KIRREL3: variants seen among roughly 807,000 people sequenced by gnomAD.
KIRREL3 encodes kin of IRRE-like protein 3.
Under a neutral mutation model 89.7 loss-of-function variants are expected in KIRREL3, and 36 were observed. That is an observed-to-expected ratio of 0.40 (90% CI 0.31 to 0.53). The LOEUF is 0.53. KIRREL3 is among the 20% of genes least tolerant of loss of function. The pLI, the probability that KIRREL3 is intolerant of heterozygous loss-of-function variation, is 0.49. For synonymous variants in KIRREL3, 445 were observed against 441.4 expected (o/e 1.01, Z -0.10); for missense variants, 864 against 1,056.6 (o/e 0.82, Z 2.53).
chr11:126,603,674 G>A (rs1288840462), intron 1 of KIRREL3, among the ~76,000 whole-genome samples: 2 of 152,266 alleles, frequency 1.3e-5, no homozygotes, highest in Non-Finnish European at 2.9e-5. Context: ...CTCTCTGGCA[G>A]CACATGGCTG....
chr11:126,631,850 G>A (rs924643633), intron 1 of KIRREL3, among the ~76,000 whole-genome samples: 1 of 152,184 alleles, frequency 6.6e-6, no homozygotes, highest in African/African-American at 2.4e-5. Flanking sequence ...CAGGAAGCCT[G>A]GATGCAGGCC....
chr11:126,694,681 T>C lies in KIRREL3; in HGVS notation c.56-131769A>G, dbSNP rs1947015654. ...TGACCTTAGGGCAGGTACTGACTTC[T>C]ATGAGCCACCTTTTTTAAAAAAAAT... is the stretch of plus-strand genomic sequence containing the variant. On this transcript the variant is annotated intron_variant, in intron 1 of 16. Transcript: ENST00000525144. The surrounding 1 kb of genome is among the most constrained non-coding windows in gnomAD (Gnocchi z 4.4). Among the ~76,000 whole-genome samples, 1 of 152,186 alleles carries C rather than the reference T, an allele frequency of 6.6e-6. No individual in the cohort carries two copies. Among genetic ancestry groups the C allele is most frequent in the Non-Finnish European group, 1.5e-5 (1 of 68,030 alleles).
At chr11:126,826,922 T>A (rs1435803705) in intron 1 of KIRREL3, among the ~76,000 whole-genome samples, 1 of 152,224 alleles carries the variant, frequency 6.6e-6, no homozygotes, top group Non-Finnish European at 1.5e-5. Flanking sequence ...CCTCAGCTTC[T>A]TTGCTGCAGT....
In KIRREL3 at chr11:126,754,953, C is replaced by T. The variant is rs180976552; in HGVS notation, c.56-192041G>A. The stretch of plus-strand genomic sequence containing the variant: ...GTGAGCAAATACACAGCAAGAGAGG[C>T]GGATGTGAAGAAAAGCTGTTTGCTT... On this transcript the variant is annotated intron_variant, in intron 1 of 16. Coordinates refer to ENST00000525144, the MANE Select transcript of KIRREL3 (RefSeq NM_032531.4). The surrounding 1 kb of genome is among the most constrained non-coding windows in gnomAD (Gnocchi z 5.1). 4.9e-4 allele frequency among the ~76,000 whole-genome samples: 75 copies of T among 152,214 alleles called. No individual in the cohort carries two copies. The highest frequency in any genetic ancestry group is 1.7e-3 in the African/African-American group (72 of 41,518).
At chr11:126,434,586 C>T (rs1478768753) in intron 13 of KIRREL3, among the ~76,000 whole-genome samples, 1 of 152,198 alleles carries the variant, frequency 6.6e-6, no homozygotes, top group African/African-American at 2.4e-5. Flanking sequence ...GAGGACCACT[C>T]AAGTCTTCAG....
rs1951392461 is a variant in KIRREL3 at position 126,811,653 on chromosome 11, C to A, written c.55+188802G>T. 6.6e-6 allele frequency among the ~76,000 whole-genome samples: 1 copy of A among 152,098 alleles called. No homozygotes were observed. The stretch of plus-strand genomic sequence containing the variant: ...CCAGGCTGGTGTGGAATGGCATGAT[C>A]TCAGCTCATTGCAACCTCTGCCTCC... On this transcript the variant is annotated intron_variant, in intron 1 of 16. Coordinates refer to ENST00000525144, the MANE Select transcript of KIRREL3 (RefSeq NM_032531.4). The surrounding 1 kb of genome is among the most constrained non-coding windows in gnomAD (Gnocchi z 4.3).
chr11:126,704,192 T>C lies in KIRREL3; in HGVS notation c.56-141280A>G, dbSNP rs1947425773. Among the ~76,000 whole-genome samples, 1 of 152,204 alleles carries C rather than the reference T, an allele frequency of 6.6e-6. No individual in the cohort carries two copies. Among genetic ancestry groups the C allele is most frequent in the Admixed American group, 6.5e-5 (1 of 15,284 alleles). On this transcript the variant is annotated intron_variant, in intron 1 of 16. Transcript: ENST00000525144. This position sits in a 1 kb window ranked among gnomAD's most constrained non-coding sequence, Gnocchi z 4.2. ...ACACCCACACATTTGCACATGCCCA[T>C]CCAGCTGAGCAACATGTATTTACAC...
In KIRREL3 at chr11:126,449,678, T is replaced by G. The variant is rs116087637; in HGVS notation, c.849-521A>C. ...AAGGCGAGAAGCTGTAGGAGAGGTA[T>G]GCTGTAGGGGCTCCATCTCCCGTCC... On this transcript the variant is annotated intron_variant, in intron 7 of 16. Coordinates refer to ENST00000525144, the MANE Select transcript of KIRREL3 (RefSeq NM_032531.4). Among the ~76,000 whole-genome samples, 244 of 152,280 alleles carry G rather than the reference T, an allele frequency of 1.6e-3. 1 individual carries two copies. Among genetic ancestry groups the G allele is most frequent in the African/African-American group, 5.5e-3 (229 of 41,550 alleles).
In KIRREL3 at chr11:126,476,269, G is replaced by A. The variant is rs1053176901; in HGVS notation, c.434-2803C>T. 2.0e-5 allele frequency among the ~76,000 whole-genome samples: 3 copies of A among 152,196 alleles called. No individual in the cohort carries two copies. Among genetic ancestry groups the A allele is most frequent in the Non-Finnish European group, 4.4e-5 (3 of 68,042 alleles). On this transcript the variant is annotated intron_variant, in intron 4 of 16. Coordinates refer to ENST00000525144, the MANE Select transcript of KIRREL3 (RefSeq NM_032531.4). The surrounding 1 kb of genome is among the most constrained non-coding windows in gnomAD (Gnocchi z 6.4). ...CTCTGGAGGGGACCCCAGGCATCAG[G>A]ACTTTGGGGAGCTCCCCAGGGGGTC...
rs555563945 is a variant in KIRREL3, at chr11:126,609,516, G to A, written c.56-46604C>T. Among the ~76,000 whole-genome samples, 23 of 152,290 alleles carry A rather than the reference G, an allele frequency of 1.5e-4. No homozygotes were observed. The South Asian group carries it at 2.1e-3, about 14-fold the overall frequency. On this transcript the variant is annotated intron_variant, in intron 1 of 16. Transcript: ENST00000525144. The surrounding 1 kb of genome is among the most constrained non-coding windows in gnomAD (Gnocchi z 5.0). ...AGGCTTCGTGAAAGGTTAAGTGGGT[G>A]GGGGACCTGCTGGGAGAGAGGGGCA...
chr11:126,828,326 G>T lies in KIRREL3; in HGVS notation c.55+172129C>A, dbSNP rs565489186. ...GATGCGACCTGCTTGAGGTGGCCCA[G>T]GTAGTGGCAGGGAGGAGAGGTCTGA... On this transcript the variant is annotated intron_variant, in intron 1 of 16. Coordinates refer to ENST00000525144, the MANE Select transcript of KIRREL3 (RefSeq NM_032531.4). Among the ~76,000 whole-genome samples, 146 of 152,224 alleles carry T rather than the reference G, an allele frequency of 9.6e-4. 2 individuals carry two copies. Among genetic ancestry groups the T allele is most frequent in the African/African-American group, 3.1e-3 (128 of 41,542 alleles).
At chr11:126,800,163 A>G (rs1267875767) in intron 1 of KIRREL3, among the ~76,000 whole-genome samples, 1 of 152,178 alleles carries the variant, frequency 6.6e-6, no homozygotes, top group Non-Finnish European at 1.5e-5. Context: ...ATCACCAAGA[A>G]TGTACTGGTG....
At chr11:126,425,073 G>C (rs1307633092) in intron 16 of KIRREL3, 50 bp from the exon 17 acceptor site, 1 of 1,444,378 alleles carries the variant, frequency 6.9e-7, no homozygotes, top group South Asian at 1.5e-5. Context: ...TCTCCACTGA[G>C]CGTGGCTGGG....
At chr11:126,864,837 C>A (rs1273496209) in intron 1 of KIRREL3, among the ~76,000 whole-genome samples, 1 of 152,112 alleles carries the variant, frequency 6.6e-6, no homozygotes, top group African/African-American at 2.4e-5. Flanking sequence ...ACTTTGGATC[C>A]TCCCTCTCCA....
rs944981189 is a variant in KIRREL3, at chr11:126,734,423, C to T, written c.56-171511G>A. ...TCATGCATGTAATCCCAGCACTTTG[C>T]GTGGCTGAGGTGGGTGGATCACCTG... is the stretch of plus-strand genomic sequence containing the variant. On this transcript the variant is annotated intron_variant, in intron 1 of 16. Transcript: ENST00000525144. The surrounding 1 kb of genome is among the most constrained non-coding windows in gnomAD (Gnocchi z 5.9). Among the ~76,000 whole-genome samples, 3 of 152,016 alleles carry T rather than the reference C, an allele frequency of 2.0e-5. No individual in the cohort carries two copies. The highest frequency in any genetic ancestry group is 2.1e-4 in the South Asian group (1 of 4,820).
intron 1 of KIRREL3, among the ~76,000 whole-genome samples, chr11:126,939,119 G>A (rs1021309936): frequency 2.0e-4 from 30 of 152,172 alleles, no homozygotes; most frequent in African/African-American, 6.3e-4. Context: ...TAGTAGACTT[G>A]AGCTGCTGTG....
In KIRREL3 at chr11:126,513,543, C is replaced by T. The variant is rs987660531; in HGVS notation, c.433+7772G>A. ...CTCTCTTCCTCCGGGCCTTGGAAGT[C>T]GTTTAATGCTTGAGTGTCCTGCCCC... On this transcript the variant is annotated intron_variant, in intron 4 of 16. Transcript: ENST00000525144. The surrounding 1 kb of genome is among the most constrained non-coding windows in gnomAD (Gnocchi z 5.9). 2.0e-5 allele frequency among the ~76,000 whole-genome samples: 3 copies of T among 152,146 alleles called. No homozygotes were observed. The highest frequency in any genetic ancestry group is 4.1e-4 in the South Asian group (2 of 4,826).
At position 126,748,466 on chromosome 11, in the gene KIRREL3, A is replaced by G. The variant is rs1949226790; in HGVS notation, c.56-185554T>C. On this transcript the variant is annotated intron_variant, in intron 1 of 16. Transcript: ENST00000525144. The surrounding 1 kb of genome is among the most constrained non-coding windows in gnomAD (Gnocchi z 4.6). ...ATTCTTGAGCTTGCCTACGGCGAGAATTATTCCCAGCAGGCGTTTCAGGCC... is the reference window on the plus strand; with the variant it reads ...ATTCTTGAGCTTGCCTACGGCGAGAGTTATTCCCAGCAGGCGTTTCAGGCC... Among the ~76,000 whole-genome samples the G allele has an allele frequency of 6.6e-6, 1 of 152,358 alleles. No individual in the cohort carries two copies. Among genetic ancestry groups the G allele is most frequent in the Non-Finnish European group, 1.5e-5 (1 of 68,036 alleles).
At chr11:126,975,709 TACA>T (rs1949545981) in intron 1 of KIRREL3, among the ~76,000 whole-genome samples, 1 of 152,142 alleles carries the variant, frequency 6.6e-6, no homozygotes, top group Non-Finnish European at 1.5e-5. Flanking sequence ...TCAGACTCTC[TACA>T]AATCTAGGGA....
Sources: allele counts gnomAD v4.1 joint callset (sites outside exome capture counted in the v4.1 genomes callset), GRCh38; gene constraint gnomAD v4.1.1; non-coding constraint Gnocchi (gnomAD v3.1); transcripts MANE v1.5; gene names NCBI Gene and HGNC (gene_info 2026-07-23, HGNC 2026-07-21).